Variants in MIER1 observed in about 807,000 individuals in gnomAD.
MIER1 encodes the protein MIER1 transcriptional regulator.
Under a neutral mutation model 75.7 loss-of-function variants are expected in MIER1, and 40 were observed. The ratio of observed to expected loss-of-function variants is 0.53; its 90% CI spans 0.41 to 0.69. MIER1 has a LOEUF of 0.69. Among genes scored for constraint, MIER1 ranks in the 30% least tolerant of loss-of-function variants. The pLI is 0.00. For synonymous variants in MIER1, 213 were observed against 223.4 expected (o/e 0.95, Z 0.42); for missense variants, 574 against 680.2 (o/e 0.84, Z 1.74).
chr1:66,984,522 A>G (rs1255958568), intron 13 of MIER1, 50 bp from the exon 14 acceptor site: 2 of 1,382,628 alleles, frequency 1.4e-6, no homozygotes, highest in African/African-American at 2.9e-5. Flanking sequence ...ATAGTTTGCA[A>G]ATTTAACTTT....
Position 66,976,689 on chromosome 1 carries a change from G to T in MIER1, c.1196G>T (p.Gly399Val). 6.2e-7 allele frequency: 1 copy of T among 1,605,802 alleles called. No individual in the cohort carries two copies. Among genetic ancestry groups the T allele is most frequent in the Non-Finnish European group, 8.5e-7 (1 of 1,176,420 alleles). Residue 399 changes from glycine (G) to valine (V), a missense_variant, in exon 12 of 14, where the codon GGA becomes GTA. Gly to Val is a moderately radical substitution (Grantham distance 109, BLOSUM62 -3). Around this residue, in one of 3 missense-constraint regions of MIER1, gnomAD observed 101 missense variants for 173.1 expected, o/e 0.58. Transcript: ENST00000401041. ...TTCTTTGCTCAGCAAACACGATTTG[G>T]AAAGAAGAAATATAATCTTCATCCT... Reference protein sequence around the residue: ...YDFFAQQTRFGKKKYNLHPGV... With the variant: ...YDFFAQQTRFVKKKYNLHPGV...
intron 8 of MIER1, among the ~76,000 whole-genome samples, chr1:66,968,052 T>C (rs1389395936): frequency 6.6e-6 from 1 of 152,210 alleles, no homozygotes; most frequent in Non-Finnish European, 1.5e-5. Context: ...TTTTCCATTT[T>C]AACATGATTT....
chr1:66,974,884 A>G (rs183454553), intron 11 of MIER1, among the ~76,000 whole-genome samples: 1 of 152,294 alleles, frequency 6.6e-6, no homozygotes, highest in Admixed American at 6.5e-5. Flanking sequence ...ATTTTTCATA[A>G]TCTTAACTTT....
chr1:66,950,894 C>CTCTTTCCT (rs1658780907), intron 4 of MIER1, among the ~76,000 whole-genome samples: 1 of 152,170 alleles, frequency 6.6e-6, no homozygotes, highest in African/African-American at 2.4e-5. Flanking sequence ...GGAAATCTGC[C>CTCTTTCCT]TCTTTCCTTC....
intron 4 of MIER1, among the ~76,000 whole-genome samples, chr1:66,955,746 C>T (rs141348548): frequency 3.2e-4 from 48 of 152,152 alleles, no homozygotes; most frequent in Non-Finnish European, 5.3e-4. Flanking sequence ...AAACTGTTAA[C>T]GCTTATGTTT....
At chr1:66,948,219 T>C (rs1041871357) in intron 4 of MIER1, 1 of 940,500 alleles carries the variant, frequency 1.1e-6, no homozygotes, top group Non-Finnish European at 1.3e-6. Context: ...GTCTGGTATG[T>C]TCTAATAAAA....
At chr1:66,942,972 A>G (rs188840140) in intron 3 of MIER1, among the ~76,000 whole-genome samples, 2 of 152,346 alleles carry the variant, frequency 1.3e-5, no homozygotes. Flanking sequence ...TGTAACAAGT[A>G]TAACAAAGAA....
intron 2 of MIER1, among the ~76,000 whole-genome samples, chr1:66,930,082 A>G (rs1205647231): frequency 6.6e-6 from 1 of 151,076 alleles, no homozygotes; most frequent in Non-Finnish European, 1.5e-5. Flanking sequence ...CTCCTCCCAC[A>G]CCCACCTTGA....
intron 9 of MIER1, 119 bp from the exon 10 acceptor site, chr1:66,971,536 C>A: frequency 1.7e-6 from 1 of 591,344 alleles, no homozygotes; most frequent in Admixed American, 3.5e-5. Flanking sequence ...ATAACATTCA[C>A]TAAAGTTATT....
intron 4 of MIER1, among the ~76,000 whole-genome samples, chr1:66,952,112 C>G (rs1162940434): frequency 6.6e-6 from 1 of 152,218 alleles, no homozygotes; most frequent in African/African-American, 2.4e-5. Flanking sequence ...AAAAAAGTCT[C>G]TGACCTATAA....
chr1:66,937,883 C>T (rs1655289127), intron 2 of MIER1, among the ~76,000 whole-genome samples: 1 of 152,046 alleles, frequency 6.6e-6, no homozygotes, highest in African/African-American at 2.4e-5. Context: ...ACATATAGAA[C>T]AGAATTTTAT....
At chr1:66,955,937 G>A (rs934654580) in intron 4 of MIER1, among the ~76,000 whole-genome samples, 2 of 152,102 alleles carry the variant, frequency 1.3e-5, no homozygotes, top group Non-Finnish European at 2.9e-5. Flanking sequence ...ACGTTTCTCT[G>A]CCTGGTTTCC....
chr1:66,927,625 C>T (rs1423025431), intron 2 of MIER1, among the ~76,000 whole-genome samples: 1 of 151,964 alleles, frequency 6.6e-6, no homozygotes, highest in Non-Finnish European at 1.5e-5. Context: ...TGAATTAATC[C>T]AAAGTGCTGA....
intron 7 of MIER1, chr1:66,960,191 G>T (rs1250985975): frequency 6.6e-6 from 1 of 152,222 alleles, no homozygotes; most frequent in African/African-American, 2.4e-5. Flanking sequence ...GAAAGCATTT[G>T]TGGAGGCTTT....
chr1:66,966,299 C>A (rs1156519933), intron 8 of MIER1, among the ~76,000 whole-genome samples: 1 of 152,150 alleles, frequency 6.6e-6, no homozygotes, highest in East Asian at 1.9e-4. Context: ...GGTTTTTTGT[C>A]CTTGCGATAG....
rs150870135 is a variant in MIER1, at chr1:66,985,814, A to ATTTTTTTTTTTTTTTTTT, written c.*920_*937dup. 1 of 578,690 alleles carries ATTTTTTTTTTTTTTTTTT rather than the reference A, an allele frequency of 1.7e-6. No individual in the cohort carries two copies. Among genetic ancestry groups the ATTTTTTTTTTTTTTTTTT allele is most frequent in the Non-Finnish European group, 2.1e-6 (1 of 470,266 alleles). 35.8% of individuals were successfully genotyped at this position (578,690 alleles called of 1,614,324 possible). A position where few individuals can be genotyped will look rare whatever the true frequency, so the allele number is the denominator to read the frequency against. On this transcript the variant is annotated 3_prime_UTR_variant, in exon 14 of 14. Transcript: ENST00000401041. Reference sequence around the variant, plus strand: ...TAAAGCATTCATAAAGGATTATAAAATTTTTTTTTTTTTTTTTTTTTTTAA... The same window carrying ATTTTTTTTTTTTTTTTTT: ...TAAAGCATTCATAAAGGATTATAAAATTTTTTTTTTTTTTTTTTTTTTTTTTTTTTTTTTTTTTTTTAA...
intron 10 of MIER1, 129 bp downstream of exon 10, chr1:66,971,865 C>T: frequency 2.0e-6 from 1 of 511,732 alleles, no homozygotes; most frequent in South Asian, 2.7e-5. Context: ...TTACAAAATA[C>T]CAAGTATTAC....
At chr1:66,978,672 A>G (rs974316531) in intron 12 of MIER1, among the ~76,000 whole-genome samples, 1 of 152,214 alleles carries the variant, frequency 6.6e-6, no homozygotes, top group African/African-American at 2.4e-5. Flanking sequence ...TTCAGAAATA[A>G]TGTTCACACG....
Position 66,985,112 on chromosome 1 carries a change from A to G in MIER1, c.*212A>G. On this transcript the variant is annotated 3_prime_UTR_variant, in exon 14 of 14. Transcript: ENST00000401041. ...CTCTTTTAAGGGTATTTTAAAAATT[A>G]GTAAATTTGAATGAACTAAAGATAT... 8.2e-7 allele frequency: 1 copy of G among 1,220,026 alleles called. No individual in the cohort carries two copies. Among genetic ancestry groups the G allele is most frequent in the Admixed American group, 4.0e-5 (1 of 25,180 alleles). 75.6% of individuals were successfully genotyped at this position (1,220,026 alleles called of 1,614,324 possible). A position where few individuals can be genotyped will look rare whatever the true frequency, so the allele number is the denominator to read the frequency against.
Sources: gnomAD v4.1 joint callset for allele counts (sites outside exome capture counted in the v4.1 genomes callset) on GRCh38, gnomAD v4.1.1 for gene constraint, gnomAD v4.1.1 regional missense constraint, MANE v1.5 for transcripts, NCBI Gene and HGNC (gene_info 2026-07-23, HGNC 2026-07-21) for gene names.